Variants in SHQ1 observed in about 807,000 individuals in gnomAD.
The protein encoded by SHQ1 is SHQ1, H/ACA ribonucleoprotein assembly factor, also known as protein SHQ1 homolog.
In SHQ1, 49 loss-of-function variants were observed where a neutral mutation model predicts 53.8. The ratio of observed to expected loss-of-function variants is 0.91; its 90% CI spans 0.72 to 1.16. SHQ1 has a LOEUF of 1.16. Among genes scored for constraint, SHQ1 ranks in the 50% most tolerant of loss-of-function variants. The probability of loss-of-function intolerance (pLI) is 0.00; values close to 1 mark genes in which losing one functional copy is unlikely to be tolerated. For missense variants in SHQ1, 738 were observed against 683.1 expected, an observed-to-expected ratio of 1.08 and a Z score of -0.90; for synonymous variants, 243 against 251.0, an observed-to-expected ratio of 0.97 and a Z score of 0.30.
intron 8 of SHQ1, 107 bp from the exon 9 acceptor site, chr3:72,812,901 T>C (rs1707171686): frequency 5.4e-6 from 7 of 1,292,358 alleles, no homozygotes; most frequent in Non-Finnish European, 7.6e-6. Flanking sequence ...CAAGTTCGGA[T>C]CATTGTGAAG....
intron 10 of SHQ1, among the ~76,000 whole-genome samples, chr3:72,766,600 T>C (rs1466409135): frequency 6.6e-6 from 1 of 152,180 alleles, no homozygotes; most frequent in African/African-American, 2.4e-5. Flanking sequence ...GAATGTGTCA[T>C]TCTACAACTT....
chr3:72,842,438 T>C, intron 2 of SHQ1, 36 bp from the exon 3 acceptor site: 1 of 1,595,978 alleles, frequency 6.3e-7, no homozygotes, highest in Non-Finnish European at 8.6e-7. Flanking sequence ...TAGATTAAAA[T>C]ATTTAAAAAG....
At chr3:72,753,440 G>A in intron 10 of SHQ1, 1 of 985,382 alleles carries the variant, frequency 1.0e-6, no homozygotes, top group Non-Finnish European at 1.2e-6. Flanking sequence ...AAAGTACTCA[G>A]CACAATAATG....
intron 10 of SHQ1, chr3:72,773,402 GC>G: frequency 4.4e-6 from 2 of 450,706 alleles, no homozygotes; most frequent in South Asian, 3.8e-5. Flanking sequence ...TCTCACAGTA[GC>G]AGTGGTGGTA....
At chr3:72,797,736 G>T (rs77435363) in intron 9 of SHQ1, among the ~76,000 whole-genome samples, 1,783 of 152,318 alleles carry the variant, frequency 0.012, 29 homozygotes, top group Non-Finnish European at 0.018. Flanking sequence ...GCTACTTGCA[G>T]TTGACAATCT....
chr3:72,774,339 A>T (rs1705912938), intron 10 of SHQ1, among the ~76,000 whole-genome samples: 1 of 152,208 alleles, frequency 6.6e-6, no homozygotes, highest in Non-Finnish European at 1.5e-5. Context: ...AACAAGTTTC[A>T]TCCAATGCAC....
intron 10 of SHQ1, among the ~76,000 whole-genome samples, chr3:72,769,818 G>A (rs1004248229): frequency 6.6e-6 from 1 of 152,138 alleles, no homozygotes; most frequent in Non-Finnish European, 1.5e-5. Context: ...TTTATCAGGG[G>A]TCATGTGTTC....
rs1705391157 is a variant in SHQ1, at chr3:72,751,833, TC to T, written c.1182-998del. ...ATGCAGGGAGATTAAATAGCTACAATCCCCATGAAGGAGAACTTGGCAATAA... is the reference window on the plus strand; with the variant it reads ...ATGCAGGGAGATTAAATAGCTACAATCCCATGAAGGAGAACTTGGCAATAA... On this transcript the variant is annotated intron_variant, in intron 10 of 10. Transcript: ENST00000325599. Among the ~76,000 whole-genome samples, 5 of 151,842 alleles carry T rather than the reference TC, an allele frequency of 3.3e-5. No individual in the cohort carries two copies. In the South Asian group the frequency reaches 8.3e-4, roughly 25 times the overall value.
At chr3:72,826,573 G>A (rs1207610880) in intron 5 of SHQ1, among the ~76,000 whole-genome samples, 11 of 152,206 alleles carry the variant, frequency 7.2e-5, no homozygotes, top group African/African-American at 2.7e-4. Context: ...AATCCCATGG[G>A]AGAGTCAAGC....
At chr3:72,726,157 G>A in the SHQ1 span, among the ~76,000 whole-genome samples, 2 of 152,126 alleles carry the variant, frequency 1.3e-5, no homozygotes, top group African/African-American at 4.8e-5. Context: ...AAGAAACTGA[G>A]GCACCAGGAG....
At chr3:72,798,595 G>A (rs1248631329) in intron 9 of SHQ1, among the ~76,000 whole-genome samples, 1 of 152,176 alleles carries the variant, frequency 6.6e-6, no homozygotes, top group Non-Finnish European at 1.5e-5. Context: ...TTCCTGTCTG[G>A]ACAGAAGTGG....
chr3:72,833,441 AGAT>A (rs1239234346), intron 4 of SHQ1, among the ~76,000 whole-genome samples: 3 of 144,840 alleles, frequency 2.1e-5, no homozygotes, highest in Admixed American at 1.4e-4. Context: ...ACTCTATCAG[AGAT>A]GATAGATAGA....
At chr3:72,751,535 T>TATTTATAC (rs1444853961) in intron 10 of SHQ1, among the ~76,000 whole-genome samples, 1 of 139,926 alleles carries the variant, frequency 7.1e-6, no homozygotes, top group Non-Finnish European at 1.5e-5. Flanking sequence ...TATATACATA[T>TATTTATAC]ACATACACTA....
At chr3:72,804,476 T>C (rs1706881154) in intron 9 of SHQ1, among the ~76,000 whole-genome samples, 1 of 140,714 alleles carries the variant, frequency 7.1e-6, no homozygotes. Flanking sequence ...CCCGTGTCCA[T>C]GTGTTCTCAT....
intron 9 of SHQ1, among the ~76,000 whole-genome samples, chr3:72,811,419 A>T (rs1246923669): frequency 6.6e-6 from 1 of 152,246 alleles, no homozygotes; most frequent in Non-Finnish European, 1.5e-5. Flanking sequence ...CAATTCAAAA[A>T]ATATCTTAGA....
intron 10 of SHQ1, among the ~76,000 whole-genome samples, chr3:72,756,407 C>T (rs1705497798): frequency 1.3e-5 from 2 of 152,176 alleles, no homozygotes; most frequent in South Asian, 4.1e-4. Flanking sequence ...TCCCGAGTAG[C>T]TGGGATTACA....
chr3:72,725,602 T>C, the SHQ1 span, among the ~76,000 whole-genome samples: 1 of 152,226 alleles, frequency 6.6e-6, no homozygotes, highest in Non-Finnish European at 1.5e-5. Context: ...ATGACTTGCT[T>C]GTTTACCTAT....
At chr3:72,771,773 C>T (rs1235284553) in intron 10 of SHQ1, among the ~76,000 whole-genome samples, 1 of 152,156 alleles carries the variant, frequency 6.6e-6, no homozygotes, top group East Asian at 1.9e-4. Context: ...AGAAGGGATA[C>T]AATAGTAATC....
chr3:72,839,975 T>C (rs1163309546), intron 4 of SHQ1, among the ~76,000 whole-genome samples: 1 of 152,040 alleles, frequency 6.6e-6, no homozygotes, highest in Non-Finnish European at 1.5e-5. Flanking sequence ...TTAGCCAAGA[T>C]GGTCACGAGC....
Sources: allele counts gnomAD v4.1 joint callset (sites outside exome capture counted in the v4.1 genomes callset), GRCh38; gene constraint gnomAD v4.1.1; transcripts MANE v1.5; gene names NCBI Gene and HGNC (gene_info 2026-07-23, HGNC 2026-07-21).